The following NAALADL2 variants were observed in gnomAD, a reference collection of about 807,000 sequenced individuals.
NAALADL2 encodes inactive N-acetylated-alpha-linked acidic dipeptidase-like protein 2.
In NAALADL2, 76 loss-of-function variants were observed where a neutral mutation model predicts 87.2. The ratio of observed to expected loss-of-function variants is 0.87; its 90% CI spans 0.72 to 1.05. The LOEUF (loss-of-function observed/expected upper bound fraction) is 1.05. Ranked by LOEUF, NAALADL2 falls within the 50% of genes least tolerant of loss-of-function variation. The pLI, the probability that NAALADL2 is intolerant of heterozygous loss-of-function variation, is 0.00. For synonymous variants in NAALADL2, 354 were observed against 331.0 expected (o/e 1.07, Z -0.75); for missense variants, 1,089 against 945.8 (o/e 1.15, Z -1.99).
intron 11 of NAALADL2, among the ~76,000 whole-genome samples, chr3:175,633,987 TAA>T (rs1728165785): frequency 6.6e-6 from 1 of 151,854 alleles, no homozygotes; most frequent in African/African-American, 2.4e-5. Flanking sequence ...ACAGTGATAT[TAA>T]GTTTCAGAAT....
intron 1 of NAALADL2, among the ~76,000 whole-genome samples, chr3:174,922,387 G>A (rs1048727420): frequency 6.6e-6 from 1 of 150,644 alleles, no homozygotes; most frequent in African/African-American, 2.4e-5. Flanking sequence ...TTGCTTAAAA[G>A]TTGCAAAAAT....
At chr3:174,752,529 C>A (rs1265035241) in intron 3 of NAALADL2, among the ~76,000 whole-genome samples, 1 of 151,200 alleles carries the variant, frequency 6.6e-6, no homozygotes, top group South Asian at 2.1e-4. Context: ...TTTCTTTAAT[C>A]GTTTATAATT....
intron 3 of NAALADL2, among the ~76,000 whole-genome samples, chr3:175,252,054 T>G (rs1749156143): frequency 6.6e-6 from 1 of 152,254 alleles, no homozygotes; most frequent in African/African-American, 2.4e-5. Context: ...ACTCAGCCTA[T>G]TGATATGTTC....
At chr3:174,762,922 G>A (rs1042163531) in intron 3 of NAALADL2, among the ~76,000 whole-genome samples, 8 of 152,078 alleles carry the variant, frequency 5.3e-5, no homozygotes, top group Admixed American at 2.0e-4. Flanking sequence ...TCTTTATAAT[G>A]TATAATTTAC....
chr3:175,383,654 C>A (rs1033569318), intron 5 of NAALADL2, among the ~76,000 whole-genome samples: 1 of 151,776 alleles, frequency 6.6e-6, no homozygotes, highest in Admixed American at 6.6e-5. Context: ...TTCAAGGGCC[C>A]AGCTGGTAAA....
At chr3:175,451,868 G>A (rs1247700256) in intron 6 of NAALADL2, among the ~76,000 whole-genome samples, 1 of 151,808 alleles carries the variant, frequency 6.6e-6, no homozygotes, top group Non-Finnish European at 1.5e-5. Context: ...AAATGACATA[G>A]TGTCTAACCG....
At chr3:175,726,653 G>C (rs779470958) in intron 11 of NAALADL2, among the ~76,000 whole-genome samples, 9 of 152,088 alleles carry the variant, frequency 5.9e-5, no homozygotes, top group Non-Finnish European at 1.2e-4. Flanking sequence ...TGGCGGTCTT[G>C]TCTTCCTTGT....
At chr3:174,558,195 G>A (rs1713100552) in intron 2 of NAALADL2, among the ~76,000 whole-genome samples, 1 of 152,094 alleles carries the variant, frequency 6.6e-6, no homozygotes, top group Non-Finnish European at 1.5e-5. Flanking sequence ...GTTGTAAGCA[G>A]GCTTTTCAAG....
chr3:175,262,654 C>G (rs138207121), intron 4 of NAALADL2, among the ~76,000 whole-genome samples: 1 of 150,030 alleles, frequency 6.7e-6, no homozygotes, highest in African/African-American at 2.5e-5. Flanking sequence ...TGTAATGAGG[C>G]AGTGGGGCCA....
At chr3:174,899,104 CTA>C (rs1009476630) in intron 1 of NAALADL2, among the ~76,000 whole-genome samples, 1 of 152,238 alleles carries the variant, frequency 6.6e-6, no homozygotes, top group Admixed American at 6.5e-5. Context: ...AAGATGCAAA[CTA>C]GAACCTCAGC....
intron 13 of NAALADL2, among the ~76,000 whole-genome samples, chr3:175,758,876 A>G (rs1747615739): frequency 6.6e-6 from 1 of 152,154 alleles, no homozygotes; most frequent in Non-Finnish European, 1.5e-5. Flanking sequence ...CAGAATTCTC[A>G]TCTAATACAC....
chr3:175,742,697 C>T (rs992764827), intron 12 of NAALADL2, among the ~76,000 whole-genome samples: 3 of 152,046 alleles, frequency 2.0e-5, no homozygotes, highest in African/African-American at 7.2e-5. Context: ...GCGCCCGGCC[C>T]TATGTAATGT....
chr3:174,985,387 G>A (rs1745716358), intron 1 of NAALADL2, among the ~76,000 whole-genome samples: 1 of 152,140 alleles, frequency 6.6e-6, no homozygotes, highest in Non-Finnish European at 1.5e-5. Flanking sequence ...ATAAGAATAT[G>A]TCAGAATTAT....
intron 11 of NAALADL2, among the ~76,000 whole-genome samples, chr3:175,636,301 T>C (rs1728529987): frequency 6.6e-6 from 1 of 152,120 alleles, no homozygotes; most frequent in African/African-American, 2.4e-5. Flanking sequence ...ACACTACCAA[T>C]TGATTGGATT....
At chr3:174,718,799 A>G (rs1226129529) in intron 2 of NAALADL2, among the ~76,000 whole-genome samples, 3 of 152,212 alleles carry the variant, frequency 2.0e-5, no homozygotes, top group Non-Finnish European at 2.9e-5. Flanking sequence ...GTCGGCACAA[A>G]TATCAGTAGA....
At position 174,815,344 on chromosome 3, in the gene NAALADL2, C is replaced by T. The variant is rs572281716; in HGVS notation, c.-9+77598C>T. ...AGAGAGGAATGTACTCTAGGCCTCC[C>T]TCCTTGACTTGTGGATGGTTATCTT... On this transcript the variant is annotated intron_variant, in intron 3 of 3. Transcript: ENST00000434257. Among the ~76,000 whole-genome samples the T allele has an allele frequency of 5.3e-5, 8 of 152,264 alleles. No individual in the cohort carries two copies. The South Asian group carries it at 1.7e-3, about 32-fold the overall frequency.
At chr3:175,300,755 T>TTTTATTTATTTA (rs548300066) in intron 4 of NAALADL2, among the ~76,000 whole-genome samples, 3 of 146,360 alleles carry the variant, frequency 2.0e-5, no homozygotes, top group Non-Finnish European at 3.0e-5. Context: ...ATTTATTTAT[T>TTTTATTTATTTA]TTTATTTATT....
chr3:175,312,244 C>T (rs1384938808), intron 4 of NAALADL2, among the ~76,000 whole-genome samples: 1 of 152,002 alleles, frequency 6.6e-6, no homozygotes, highest in South Asian at 2.1e-4. Flanking sequence ...TTATATATTA[C>T]GTGTCCAGTA....
chr3:175,709,493 T>TA (rs1369312070), intron 11 of NAALADL2, among the ~76,000 whole-genome samples: 17 of 152,132 alleles, frequency 1.1e-4, no homozygotes, highest in African/African-American at 3.9e-4. Context: ...ATAGTAAGTT[T>TA]AATTCTTGAC....
Sources: allele counts gnomAD v4.1 joint callset (sites outside exome capture counted in the v4.1 genomes callset), GRCh38; gene constraint gnomAD v4.1.1; transcripts MANE v1.5; gene names NCBI Gene and HGNC (gene_info 2026-07-23, HGNC 2026-07-21).